DYM: variants seen among roughly 807,000 people sequenced by gnomAD.
DYM encodes dyggve-Melchior-Clausen syndrome protein.
A neutral mutation model predicts 93.1 loss-of-function variants in DYM; 78 were observed. The ratio of observed to expected loss-of-function variants is 0.84; its 90% CI spans 0.70 to 1.01. The LOEUF is 1.01. Ranked by LOEUF, DYM falls within the 50% of genes least tolerant of loss-of-function variation. The pLI is 0.00. For synonymous variants in DYM, 321 were observed against 319.7 expected, an observed-to-expected ratio of 1.00 and a Z score of -0.04; for missense variants, 789 against 845.0, an observed-to-expected ratio of 0.93 and a Z score of 0.82.
At chr18:49,266,298 C>T (rs2094569898) in intron 11 of DYM, among the ~76,000 whole-genome samples, 1 of 151,952 alleles carries the variant, frequency 6.6e-6, no homozygotes, top group Non-Finnish European at 1.5e-5. Context: ...TTTTCTTCAC[C>T]ATATAATAAT....
intron 14 of DYM, among the ~76,000 whole-genome samples, chr18:49,168,377 T>C (rs896874342): frequency 3.3e-5 from 5 of 152,202 alleles, no homozygotes; most frequent in Non-Finnish European, 7.4e-5. Context: ...AAGAACATGC[T>C]ATCTTGAAGA....
At chr18:49,395,196 A>C (rs2069894881) in intron 2 of DYM, among the ~76,000 whole-genome samples, 1 of 152,236 alleles carries the variant, frequency 6.6e-6, no homozygotes, top group Non-Finnish European at 1.5e-5. Flanking sequence ...AAGTGAAGAG[A>C]CAATCCACAG....
chr18:49,161,332 T>C (rs1433031049), intron 15 of DYM, among the ~76,000 whole-genome samples: 1 of 152,234 alleles, frequency 6.6e-6, no homozygotes, highest in Non-Finnish European at 1.5e-5. Flanking sequence ...AAATATGACC[T>C]ATTTCCTCAA....
intron 14 of DYM, among the ~76,000 whole-genome samples, chr18:49,183,654 T>A (rs542967204): frequency 6.6e-6 from 1 of 152,204 alleles, no homozygotes; most frequent in Non-Finnish European, 1.5e-5. Flanking sequence ...CCTAGCGTAG[T>A]GCCTGTACAT....
At chr18:49,287,809 C>T (rs989127806) in intron 8 of DYM, among the ~76,000 whole-genome samples, 2 of 95,598 alleles carry the variant, frequency 2.1e-5, no homozygotes, top group Admixed American at 3.5e-4. Flanking sequence ...CGCGCCACAA[C>T]AAGAGCGAAA....
At position 49,292,172 on chromosome 18, in the gene DYM, C is replaced by G. The variant is rs994428463; in HGVS notation, c.764-5556G>C. ...ATTGCACAAACAAAATTCTGATTCC[C>G]TTTCAACACAGATTCACTCTCCTTT... On this transcript the variant is annotated intron_variant, in intron 8 of 17. Coordinates refer to ENST00000675505, the MANE Select transcript of DYM (RefSeq NM_001353214.3). Among the ~76,000 whole-genome samples, 4 of 152,048 alleles carry G rather than the reference C, an allele frequency of 2.6e-5. No homozygotes were observed. The East Asian group carries it at 5.8e-4, about 22-fold the overall frequency.
chr18:49,331,899 C>T lies in DYM; in HGVS notation c.728G>A (p.Gly243Glu), dbSNP rs759273549. The T allele has an allele frequency of 1.2e-6, 2 of 1,614,084 alleles. No homozygotes were observed. Among genetic ancestry groups the T allele is most frequent in the Middle Eastern group, 1.6e-4 (1 of 6,062 alleles). Residue 243 changes from glycine to glutamate, a missense_variant, in exon 8 of 18, where the codon GGA becomes GAA. By Grantham distance (98) the Gly-to-Glu change is moderately conservative (BLOSUM62 -2). Around this residue, in one of 3 missense-constraint regions of DYM, gnomAD observed 450 missense variants for 436.2 expected, o/e 1.03. Coordinates refer to ENST00000675505, the MANE Select transcript of DYM (RefSeq NM_001353214.3). ...TGATGCAAGTCCATAAAGCAGTCCT[C>T]CCCCATCCGACTGCTGAGGGAAAAC... is the stretch of plus-strand genomic sequence containing the variant. ...AHVFPQQSDGGGLLYGLASGV... is the reference protein window; with the variant it reads ...AHVFPQQSDGEGLLYGLASGV...
chr18:49,260,853 C>T (rs1373861218), intron 11 of DYM, among the ~76,000 whole-genome samples: 9 of 149,452 alleles, frequency 6.0e-5, no homozygotes, highest in South Asian at 2.1e-4. Context: ...GTACCATCTC[C>T]GGGAGAAAAA....
chr18:49,391,648 G>A lies in DYM; in HGVS notation c.141-3C>T. 1 of 1,611,942 alleles carries A rather than the reference G, an allele frequency of 6.2e-7. No homozygotes were observed. The highest frequency in any genetic ancestry group is 8.5e-7 in the Non-Finnish European group (1 of 1,178,510). Reference sequence around the variant, plus strand: ...CCTCCAAGAGTTTCAACTCACTACTGGAGAGACAGAAGAATAAAGGTAATT... The same window carrying A: ...CCTCCAAGAGTTTCAACTCACTACTAGAGAGACAGAAGAATAAAGGTAATT... On this transcript the variant is annotated splice_polypyrimidine_tract_variant and splice_region_variant and intron_variant, in intron 2 of 17. Coordinates refer to ENST00000675505, the MANE Select transcript of DYM (RefSeq NM_001353214.3).
chr18:49,361,402 A>G (rs1167361252), intron 6 of DYM, among the ~76,000 whole-genome samples: 2 of 152,256 alleles, frequency 1.3e-5, no homozygotes, highest in African/African-American at 4.8e-5. Flanking sequence ...TTGGGGCCAT[A>G]GACAAATAGC....
At chr18:49,195,434 G>A (rs989351967) in intron 14 of DYM, among the ~76,000 whole-genome samples, 4 of 152,044 alleles carry the variant, frequency 2.6e-5, no homozygotes, top group Non-Finnish European at 4.4e-5. Flanking sequence ...AGTTTTTTGA[G>A]AATATACAAT....
At chr18:49,096,292 T>C (rs984231490) in intron 17 of DYM, among the ~76,000 whole-genome samples, 4 of 152,194 alleles carry the variant, frequency 2.6e-5, no homozygotes, top group Non-Finnish European at 5.9e-5. Flanking sequence ...TTATGTACAG[T>C]GGAACTTCAG....
chr18:49,154,846 G>A (rs1002958816), intron 15 of DYM, among the ~76,000 whole-genome samples: 1 of 152,160 alleles, frequency 6.6e-6, no homozygotes, highest in African/African-American at 2.4e-5. Context: ...TTTTCTTTGA[G>A]ATCTTTCAGT....
At chr18:49,413,550 T>C (rs1053883602) in intron 2 of DYM, among the ~76,000 whole-genome samples, 9 of 152,152 alleles carry the variant, frequency 5.9e-5, no homozygotes, top group Non-Finnish European at 2.9e-5. Flanking sequence ...AAAGTCAAAG[T>C]GACAAGTGGA....
chr18:49,102,170 C>T (rs2080226251), intron 16 of DYM, among the ~76,000 whole-genome samples: 1 of 152,192 alleles, frequency 6.6e-6, no homozygotes, highest in Admixed American at 6.5e-5. Context: ...CTGATACACA[C>T]CTAATAACAG....
chr18:49,139,682 A>C (rs1459864577), intron 15 of DYM, among the ~76,000 whole-genome samples: 1 of 152,192 alleles, frequency 6.6e-6, no homozygotes, highest in Non-Finnish European at 1.5e-5. Context: ...TAAAATGAAG[A>C]AAACAGAACA....
At chr18:49,093,114 T>C (rs995039787) in intron 17 of DYM, 1 of 152,156 alleles carries the variant, frequency 6.6e-6, no homozygotes, top group African/African-American at 2.4e-5. Flanking sequence ...TTTGCTATAA[T>C]GGAGGGACAT....
At chr18:49,044,878 G>A (rs565855823) in intron 17 of DYM, among the ~76,000 whole-genome samples, 2 of 152,378 alleles carry the variant, frequency 1.3e-5, no homozygotes, top group East Asian at 3.9e-4. Context: ...AGGTGCCCTG[G>A]TCTGCAAACT....
intron 6 of DYM, among the ~76,000 whole-genome samples, chr18:49,342,088 ATTCATTTCCTG>A (rs373746088): frequency 9.2e-5 from 14 of 152,304 alleles, no homozygotes; most frequent in African/African-American, 3.4e-4. Flanking sequence ...CTAAAGAAGA[ATTCATTTCCTG>A]TTCATTTGGG....
Sources: allele counts gnomAD v4.1 joint callset (sites outside exome capture counted in the v4.1 genomes callset), GRCh38; gene constraint gnomAD v4.1.1; regional missense constraint gnomAD v4.1.1; transcripts MANE v1.5; gene names NCBI Gene and HGNC (gene_info 2026-07-23, HGNC 2026-07-21).